The following SULT2B1 variants were observed in gnomAD, a reference collection of about 807,000 sequenced individuals.
The protein encoded by SULT2B1 is sulfotransferase 2B1.
SULT2B1 carries 16 observed loss-of-function variants against 33.2 expected under a neutral mutation model. The observed-to-expected ratio is 0.48, with a 90% CI of 0.33 to 0.73. SULT2B1 has a LOEUF of 0.73. SULT2B1 is among the 30% of genes least tolerant of loss of function. The pLI is 0.02. For missense variants in SULT2B1, 500 were observed against 506.0 expected, an observed-to-expected ratio of 0.99 and a Z score of 0.11; for synonymous variants, 186 against 200.5, an observed-to-expected ratio of 0.93 and a Z score of 0.61.
intron 1 of SULT2B1, among the ~76,000 whole-genome samples, chr19:48,572,142 G>A (rs1358427716): frequency 6.6e-6 from 1 of 152,148 alleles, no homozygotes; most frequent in Non-Finnish European, 1.5e-5. Flanking sequence ...ATGGACAGAG[G>A]GAATTCAGAG....
chr19:48,589,851 T>G (rs1055931045), intron 3 of SULT2B1, among the ~76,000 whole-genome samples: 1 of 152,214 alleles, frequency 6.6e-6, no homozygotes, highest in Admixed American at 6.5e-5. Flanking sequence ...TCCCAGCTAC[T>G]TGGGAGGCTG....
chr19:48,594,060 A>C (rs1197273606), intron 5 of SULT2B1, among the ~76,000 whole-genome samples: 2 of 151,362 alleles, frequency 1.3e-5, no homozygotes, highest in African/African-American at 2.4e-5. Context: ...GGAGTTCCAG[A>C]CCAGCCTTGC....
chr19:48,599,251 G>A lies in SULT2B1; in HGVS notation c.943G>A (p.Glu315Lys). Reference sequence around the variant, plus strand: ...CTTCCCCTGGGATGAAGACCCGGAGGAGGACGGCAGCCCAGATCCTGAGCC... The same window carrying A: ...CTTCCCCTGGGATGAAGACCCGGAGAAGGACGGCAGCCCAGATCCTGAGCC... The part of the protein sequence containing the change: ...PTFPWDEDPE[E>K]DGSPDPEPSP... Residue 315 changes from glutamate to lysine, a missense_variant, in exon 7 of 7, where the codon GAG (glutamate) becomes AAG (lysine). Glu to Lys is a moderately conservative substitution (Grantham distance 56, BLOSUM62 1). Transcript: ENST00000201586. The surrounding 1 kb of genome is among the most constrained non-coding windows in gnomAD (Gnocchi z 4.1). The A allele has an allele frequency of 6.2e-7, 1 of 1,610,582 alleles. No homozygotes were observed. The highest frequency in any genetic ancestry group is 8.5e-7 in the Non-Finnish European group (1 of 1,178,960).
intron 1 of SULT2B1, among the ~76,000 whole-genome samples, chr19:48,569,362 ACATATATATATATATATATATAT>A (rs368259885): frequency 0.4 from 51,812 of 130,118 alleles, 11,355 homozygotes; most frequent in African/African-American, 0.55. Flanking sequence ...AAAAAAAAAA[ACATATATATATATATATATATAT>A]ATATATATAT....
intron 5 of SULT2B1, among the ~76,000 whole-genome samples, chr19:48,593,377 C>A (rs1159566408): frequency 1.3e-5 from 2 of 151,922 alleles, no homozygotes; most frequent in Non-Finnish European, 2.9e-5. Context: ...CATGGTGAAA[C>A]CCCATCTCTA....
At chr19:48,586,067 A>G (rs528473398) in intron 2 of SULT2B1, among the ~76,000 whole-genome samples, 101 of 151,582 alleles carry the variant, frequency 6.7e-4, no homozygotes, top group African/African-American at 2.4e-3. Context: ...AAATAAAAAT[A>G]AGAAATTAGC....
At chr19:48,565,192 C>G (rs922133207) in intron 1 of SULT2B1, among the ~76,000 whole-genome samples, 7 of 152,028 alleles carry the variant, frequency 4.6e-5, no homozygotes, top group Admixed American at 2.0e-4. Context: ...TCCCAAAGAG[C>G]TGGGATTACA....
At chr19:48,587,950 C>G (rs1445033845) in intron 3 of SULT2B1, among the ~76,000 whole-genome samples, 1 of 145,698 alleles carries the variant, frequency 6.9e-6, no homozygotes, top group East Asian at 2.0e-4. Context: ...TGGCTCACGC[C>G]TGTAATCCCA....
At chr19:48,593,327 G>A (rs1375184108) in intron 5 of SULT2B1, among the ~76,000 whole-genome samples, 5 of 152,074 alleles carry the variant, frequency 3.3e-5, no homozygotes, top group African/African-American at 1.2e-4. Context: ...CAAGGCAGGT[G>A]GATCACTTCA....
At chr19:48,595,125 A>G (rs1482879940) in intron 5 of SULT2B1, among the ~76,000 whole-genome samples, 1 of 151,858 alleles carries the variant, frequency 6.6e-6, no homozygotes, top group Non-Finnish European at 1.5e-5. Context: ...TTTACTAAAA[A>G]TACAAAATTA....
chr19:48,575,850 T>C, intron 1 of SULT2B1, 91 bp from the exon 2 acceptor site: 1 of 1,536,756 alleles, frequency 6.5e-7, no homozygotes, highest in East Asian at 2.3e-5. Flanking sequence ...GAGGAGGAAG[T>C]TCCTTGCCAG....
chr19:48,558,679 C>CTTTTTTTT (rs869189397), intron 1 of SULT2B1, among the ~76,000 whole-genome samples: 223 of 106,146 alleles, frequency 2.1e-3, no homozygotes, highest in African/African-American at 7.3e-3. Context: ...CTTTTCTTTT[C>CTTTTTTTT]TTTTTTTTTT....
At chr19:48,564,278 G>A (rs1209257395) in intron 1 of SULT2B1, among the ~76,000 whole-genome samples, 2 of 150,660 alleles carry the variant, frequency 1.3e-5, no homozygotes, top group Admixed American at 1.3e-4. Flanking sequence ...AATAGGTCGG[G>A]TGCAGTGGCT....
chr19:48,576,846 G>T (rs1045693202), intron 2 of SULT2B1, among the ~76,000 whole-genome samples: 1 of 151,042 alleles, frequency 6.6e-6, no homozygotes, highest in East Asian at 1.9e-4. Context: ...TCATCATGTT[G>T]CCCAGGCTGG....
chr19:48,576,640 CTTTTT>C (rs71335805), intron 2 of SULT2B1, among the ~76,000 whole-genome samples: 20,735 of 116,428 alleles, frequency 0.18, 1,820 homozygotes, highest in East Asian at 0.41. Context: ...AAATTGTATA[CTTTTT>C]TTTTTTTTTT....
chr19:48,570,224 G>C (rs2147606600), intron 1 of SULT2B1, among the ~76,000 whole-genome samples: 1 of 150,510 alleles, frequency 6.6e-6, no homozygotes, highest in South Asian at 2.1e-4. Context: ...TTGTTGCCCA[G>C]GCTGGAGTGC....
chr19:48,592,890 G>C (rs935647648), intron 5 of SULT2B1, 74 bp downstream of exon 5: 2 of 1,357,092 alleles, frequency 1.5e-6, no homozygotes, highest in Non-Finnish European at 2.1e-6. Context: ...TCCCCTTCCC[G>C]AGGGTCTCAG....
At chr19:48,567,304 T>G (rs1435019017) in intron 1 of SULT2B1, among the ~76,000 whole-genome samples, 1 of 151,760 alleles carries the variant, frequency 6.6e-6, no homozygotes, top group Non-Finnish European at 1.5e-5. Flanking sequence ...TGGCTCACAC[T>G]TGTAATCCCA....
chr19:48,597,981 C>T (rs905404269), intron 6 of SULT2B1, among the ~76,000 whole-genome samples: 1 of 152,054 alleles, frequency 6.6e-6, no homozygotes, highest in Non-Finnish European at 1.5e-5. Context: ...CTATAGGGAC[C>T]CAGGTGATGA....
Sources: allele counts gnomAD v4.1 joint callset (sites outside exome capture counted in the v4.1 genomes callset), GRCh38; gene constraint gnomAD v4.1.1; non-coding constraint Gnocchi (gnomAD v3.1); transcripts MANE v1.5; gene names NCBI Gene and HGNC (gene_info 2026-07-23, HGNC 2026-07-21).